Variants in NCKAP5L observed in about 807,000 individuals in gnomAD.
The protein encoded by NCKAP5L is NCK associated protein 5 like.
NCKAP5L carries 54 observed loss-of-function variants against 103.2 expected under a neutral mutation model. The ratio of observed to expected loss-of-function variants is 0.52; its 90% CI spans 0.42 to 0.66. The LOEUF (loss-of-function observed/expected upper bound fraction) is 0.66, where lower values mean the gene tolerates loss of function less well. NCKAP5L is among the 30% of genes least tolerant of loss of function. The pLI is 0.00. For missense variants in NCKAP5L, 1,733 were observed against 1,750.6 expected, an observed-to-expected ratio of 0.99 and a Z score of 0.18; for synonymous variants, 762 against 748.6, an observed-to-expected ratio of 1.02 and a Z score of -0.29.
At position 49,810,345 on chromosome 12, in the gene NCKAP5L, C is replaced by T. The variant is rs543027910; in HGVS notation, c.-98-4304G>A. On this transcript the variant is annotated intron_variant, in intron 1 of 12. Transcript: ENST00000335999. ...GAGGGTACTGGAAACAGCCTTAGAC[C>T]GGAAGGCAGAAGAGTCTAGGCATGG... is the stretch of plus-strand genomic sequence containing the variant. 9.4e-4 allele frequency among the ~76,000 whole-genome samples: 143 copies of T among 152,332 alleles called. 1 individual carries two copies. The highest frequency in any genetic ancestry group is 1.6e-3 in the Non-Finnish European group (112 of 68,034).
At chr12:49,811,428 G>A (rs1037282567) in intron 1 of NCKAP5L, among the ~76,000 whole-genome samples, 7 of 151,814 alleles carry the variant, frequency 4.6e-5, no homozygotes, top group East Asian at 1.9e-4. Flanking sequence ...ACCTCCTGCC[G>A]CCACCCTCCC....
intron 1 of NCKAP5L, among the ~76,000 whole-genome samples, chr12:49,822,796 C>T (rs996885808): frequency 3.3e-5 from 5 of 152,138 alleles, no homozygotes; most frequent in African/African-American, 1.2e-4. Flanking sequence ...GATCCGCCCA[C>T]CTTGGCCTCC....
chr12:49,821,674 T>A (rs2137041909), intron 1 of NCKAP5L, among the ~76,000 whole-genome samples: 1 of 152,374 alleles, frequency 6.6e-6, no homozygotes, highest in Admixed American at 6.5e-5. Flanking sequence ...TTATCACAGC[T>A]ATAATTATAA....
chr12:49,799,550 C>T (rs1036882565), intron 6 of NCKAP5L, among the ~76,000 whole-genome samples: 1 of 152,088 alleles, frequency 6.6e-6, no homozygotes, highest in African/African-American at 2.4e-5. Flanking sequence ...CTCCTGGGCC[C>T]AAGTGATTCT....
At chr12:49,794,017 G>T (rs781330518) in intron 8 of NCKAP5L, 121 bp from the exon 9 acceptor site, 1 of 937,682 alleles carries the variant, frequency 1.1e-6, no homozygotes, top group Admixed American at 3.5e-5. Context: ...CCCGGGGAAG[G>T]GGACATGTCG....
At chr12:49,814,343 G>C (rs568079028) in intron 1 of NCKAP5L, among the ~76,000 whole-genome samples, 1 of 151,398 alleles carries the variant, frequency 6.6e-6, no homozygotes, top group South Asian at 2.1e-4. Context: ...AATTAGCTGG[G>C]TGTGGTGGTG....
Position 49,795,505 on chromosome 12 carries a change from G to T in NCKAP5L, c.2355C>A (p.Ala785=). Residue 785 remains alanine (A), a synonymous_variant, in exon 8 of 13, where the codon GCC becomes GCA. Coordinates refer to ENST00000335999, the MANE Select transcript of NCKAP5L (RefSeq NM_001037806.4). Reference sequence around the variant, plus strand: ...GGGTACGGGGTACCTGGGGGCACAGGGCCCCTGCCAGCCGGCTCTTGGCCA... The same window carrying T: ...GGGTACGGGGTACCTGGGGGCACAGTGCCCCTGCCAGCCGGCTCTTGGCCA... The part of the protein sequence containing the change: ...VELAKSRLAG[A]LCPQVPRTPA... 9 of 1,531,884 alleles carry T rather than the reference G, an allele frequency of 5.9e-6. No individual in the cohort carries two copies. Among genetic ancestry groups the T allele is most frequent in the Non-Finnish European group, 7.0e-6 (8 of 1,144,308 alleles). The allele number at this position is 1,531,884 out of a possible 1,614,324, so 94.9% of individuals were successfully genotyped here.
chr12:49,827,948 C>T (rs1350125134), intron 1 of NCKAP5L, among the ~76,000 whole-genome samples: 1 of 152,218 alleles, frequency 6.6e-6, no homozygotes, highest in African/African-American at 2.4e-5. Flanking sequence ...CGGTGGGATG[C>T]GGGTTGGGTG....
At chr12:49,794,693 C>T (rs540267190) in intron 8 of NCKAP5L, 72 bp downstream of exon 8, 74 of 1,224,974 alleles carry the variant, frequency 6.0e-5, no homozygotes, top group Admixed American at 4.7e-4. Context: ...TAGCTCCAGA[C>T]GCAGGTGTGC....
At chr12:49,806,401 C>G (rs544274454) in intron 1 of NCKAP5L, among the ~76,000 whole-genome samples, 1 of 152,240 alleles carries the variant, frequency 6.6e-6, no homozygotes, top group Admixed American at 6.5e-5. Context: ...TGTCTTGCCT[C>G]GTGCTCAACA....
Position 49,794,848 on chromosome 12 carries a change from G to A in NCKAP5L, c.3012C>T (p.Pro1004=), listed in dbSNP as rs372193186. The A allele has an allele frequency of 1.3e-6, 2 of 1,508,450 alleles. No individual in the cohort carries two copies. Among genetic ancestry groups the A allele is most frequent in the Non-Finnish European group, 8.9e-7 (1 of 1,129,236 alleles). The allele number at this position is 1,508,450 out of a possible 1,614,324, so 93.4% of individuals were successfully genotyped here. Residue 1004 remains proline, a synonymous_variant, in exon 8 of 13, where the codon CCC becomes CCT. Coordinates refer to ENST00000335999, the MANE Select transcript of NCKAP5L (RefSeq NM_001037806.4). ...RPRPGGPAPG[P]NTGLGQVQGQ... ...CCTGCACCTGCCCCAGCCCCGTGTT[G>A]GGCCCTGGGGCTGGGCCACCAGGCC...
At chr12:49,816,328 G>T (rs1565595459) in intron 1 of NCKAP5L, among the ~76,000 whole-genome samples, 1 of 152,106 alleles carries the variant, frequency 6.6e-6, no homozygotes, top group East Asian at 1.9e-4. Context: ...AAGAAGGTTA[G>T]AAAGAAGGGA....
intron 1 of NCKAP5L, among the ~76,000 whole-genome samples, chr12:49,818,656 A>G (rs148415593): frequency 0.01 from 1,564 of 152,290 alleles, 11 homozygotes; most frequent in South Asian, 0.027. Context: ...GCCACCGTGC[A>G]GAGCCTGACA....
intron 1 of NCKAP5L, among the ~76,000 whole-genome samples, chr12:49,814,295 C>T (rs964435996): frequency 1.0e-4 from 15 of 150,434 alleles, no homozygotes; most frequent in Admixed American, 2.0e-4. Flanking sequence ...CCAGCCTGGC[C>T]AACATAGTGA....
At position 49,795,884 on chromosome 12, in the gene NCKAP5L, G is replaced by C. The variant is rs1026619181; in HGVS notation, c.1976C>G (p.Thr659Arg). ...GGCCGCCAGTCTGTCCCGCAGAGGT[G>C]TGCTGCCAGGATCCCCAGGTCGCCG... ...SGRRPGDPGS[T>R]PLRDRLAALG... The change falls in exon 8 of 13, where the codon ACA becomes AGA. Residue 659 changes from threonine (T) to arginine (R), a missense_variant. Thr to Arg is a moderately conservative substitution (Grantham distance 71, BLOSUM62 -1). Coordinates refer to ENST00000335999, the MANE Select transcript of NCKAP5L (RefSeq NM_001037806.4). 6.5e-7 allele frequency: 1 copy of C among 1,547,378 alleles called. No individual in the cohort carries two copies. The highest frequency in any genetic ancestry group is 8.7e-7 in the Non-Finnish European group (1 of 1,153,090).
intron 1 of NCKAP5L, among the ~76,000 whole-genome samples, chr12:49,822,122 C>T (rs11169166): frequency 0.51 from 77,492 of 152,012 alleles, 20,153 homozygotes; most frequent in Non-Finnish European, 0.53. Context: ...TGAGATTCCT[C>T]ACCCCTTCCA....
At chr12:49,825,458 C>G (rs567845202) in intron 1 of NCKAP5L, among the ~76,000 whole-genome samples, 1 of 152,212 alleles carries the variant, frequency 6.6e-6, no homozygotes, top group East Asian at 1.9e-4. Context: ...AGGGACCCCA[C>G]TTCGGCTGTC....
In NCKAP5L at chr12:49,798,367, A is replaced by C; in HGVS notation, c.448T>G (p.Cys150Gly). 2 of 1,562,082 alleles carry C rather than the reference A, an allele frequency of 1.3e-6. No individual in the cohort carries two copies. The highest frequency in any genetic ancestry group is 1.7e-4 in the Middle Eastern group (1 of 6,000). The change falls in exon 7 of 13, where the codon TGT (cysteine) becomes GGT (glycine). Residue 150 changes from cysteine to glycine, a missense_variant. By Grantham distance (159) the Cys-to-Gly change is radical. Transcript: ENST00000335999. Reference sequence around the variant, plus strand: ...CCTCCTACCTCTCTCTGCCCAGCACAGTGCCCCAGAGGCAGCGGGGCAGCC... The same window carrying C: ...CCTCCTACCTCTCTCTGCCCAGCACCGTGCCCCAGAGGCAGCGGGGCAGCC... ...GPAAPLPLGH[C>G]AGQREVCWEQ... is the part of the protein sequence containing the mutation.
chr12:49,792,143 T>G lies in NCKAP5L; in HGVS notation c.3793-92A>C, dbSNP rs1945946048. 1.1e-5 allele frequency: 13 copies of G among 1,225,632 alleles called. No individual in the cohort carries two copies. The highest frequency in any genetic ancestry group is 1.5e-5 in the Non-Finnish European group (13 of 892,598). The allele number at this position is 1,225,632 out of a possible 1,614,324, so 75.9% of individuals were successfully genotyped here. On this transcript the variant is annotated intron_variant, in intron 12 of 12. Transcript: ENST00000335999. This position sits in a 1 kb window ranked among gnomAD's most constrained non-coding sequence, Gnocchi z 4.5. Reference sequence around the variant, plus strand: ...GAGCTCTGAGGGGCGTCTGTGCACCTGATGGGGGGCTGCTCCAGAGGGGGC... The same window carrying G: ...GAGCTCTGAGGGGCGTCTGTGCACCGGATGGGGGGCTGCTCCAGAGGGGGC...
Sources: allele counts gnomAD v4.1 joint callset (sites outside exome capture counted in the v4.1 genomes callset), GRCh38; gene constraint gnomAD v4.1.1; non-coding constraint Gnocchi (gnomAD v3.1); transcripts MANE v1.5; gene names NCBI Gene and HGNC (gene_info 2026-07-23, HGNC 2026-07-21).